MCF2: variants seen among roughly 807,000 people sequenced by gnomAD.
MCF2 encodes the protein MCF.2 cell line derived transforming sequence.
MCF2 carries 44 observed loss-of-function variants against 82.5 expected under a neutral mutation model. The observed-to-expected ratio is 0.53, with a 90% confidence interval of 0.42 to 0.69. The LOEUF (loss-of-function observed/expected upper bound fraction) is 0.69. Ranked by LOEUF, MCF2 falls within the 30% of genes least tolerant of loss-of-function variation. MCF2 has a pLI of 0.00. For synonymous variants in MCF2, 217 were observed against 224.9 expected, an observed-to-expected ratio of 0.96 and a Z score of 0.32; for missense variants, 623 against 663.1, an observed-to-expected ratio of 0.94 and a Z score of 0.66.
intron 6 of MCF2, among the ~76,000 whole-genome samples, chrX:139,623,986 A>C (rs1428345209): frequency 9.0e-6 from 1 of 111,493 alleles, no homozygotes; most frequent in African/African-American, 3.3e-5. Flanking sequence ...GCATAACCTT[A>C]AATTTTCTCC....
intron 7 of MCF2, 31 bp downstream of exon 10, chrX:139,619,556 A>G (rs761592748): frequency 8.3e-6 from 9 of 1,082,780 alleles, no homozygotes; most frequent in Non-Finnish European, 1.1e-5. Context: ...TATACTGTAT[A>G]ATATAGCAGA....
chrX:139,640,933 G>A (rs1449041766), intron 1 of MCF2, among the ~76,000 whole-genome samples: 1 of 110,100 alleles, frequency 9.1e-6, no homozygotes, highest in Non-Finnish European at 1.9e-5. Context: ...CCTGTATAAG[G>A]CCTTCTCCAC....
At chrX:139,649,982 T>C (rs1284874952) in intron 2 of MCF2, among the ~76,000 whole-genome samples, 1 of 112,205 alleles carries the variant, frequency 8.9e-6, no homozygotes, top group African/African-American at 3.2e-5. Flanking sequence ...ATTAATTAAG[T>C]CATCATTAAT....
At chrX:139,625,380 G>C (rs1276084422) in intron 6 of MCF2, among the ~76,000 whole-genome samples, 1 of 111,905 alleles carries the variant, frequency 8.9e-6, no homozygotes, top group East Asian at 2.8e-4. Context: ...CTTTAGGGAA[G>C]GTTTCATGCA....
chrX:139,643,081 T>C (rs1486272085), upstream of MCF2, among the ~76,000 whole-genome samples: 2 of 112,060 alleles, frequency 1.8e-5, no homozygotes, highest in African/African-American at 6.5e-5. Flanking sequence ...GGCTATAGTT[T>C]GCAAAATTTT....
rs144593355 is a variant in MCF2 at position 139,623,116 on chromosome X, G to A, written c.687+3077C>T. Among the ~76,000 whole-genome samples, 972 of 111,457 alleles carry A rather than the reference G, an allele frequency of 8.7e-3. 12 individuals carry two copies. The highest frequency in any genetic ancestry group is 0.031 in the African/African-American group (939 of 30,670). ...GGTGAGGCTATGGAGAGAAGGGAAC[G>A]CTGATACACTGCTGGTGGGAAAGTA... On this transcript the variant is annotated intron_variant, in intron 6 of 24. Transcript: ENST00000370576.
chrX:139,663,475 A>T (rs1031918041), intron 1 of MCF2, among the ~76,000 whole-genome samples: 2 of 110,753 alleles, frequency 1.8e-5, no homozygotes, highest in Non-Finnish European at 3.8e-5. Context: ...TTGGAGGTAC[A>T]TGTGAAGGTT....
intron 1 of MCF2, among the ~76,000 whole-genome samples, chrX:139,671,318 T>G (rs1934683446): frequency 8.9e-6 from 1 of 112,159 alleles, no homozygotes; most frequent in Admixed American, 9.5e-5. Context: ...TTTAGTTTAA[T>G]TAGATCTCAT....
At chrX:139,706,662 A>G (rs1935595374) in intron 1 of MCF2, among the ~76,000 whole-genome samples, 1 of 110,455 alleles carries the variant, frequency 9.1e-6, no homozygotes, top group Non-Finnish European at 1.9e-5. Context: ...AGCATCATGT[A>G]ATATTCCCAT....
chrX:139,626,900 CA>C, intron 4 of MCF2, 144 bp from the exon 8 acceptor site: 1 of 485,915 alleles, frequency 2.1e-6, no homozygotes, highest in Non-Finnish European at 3.3e-6. Context: ...TCTGAAAATT[CA>C]CAAAATTTCA....
At chrX:139,596,756 T>G (rs1297958360) in exon 19 of MCF2, 1 of 1,199,597 alleles carries the variant, frequency 8.3e-7, no homozygotes, top group Non-Finnish European at 1.1e-6. Flanking sequence ...TCTTGCCCAG[T>G]TCATTTAAGT....
chrX:139,591,487 T>A (rs762998714), intron 19 of MCF2, among the ~76,000 whole-genome samples: 14 of 111,343 alleles, frequency 1.3e-4, no homozygotes, highest in Non-Finnish European at 2.5e-4. Context: ...GTAAAATTTT[T>A]AAAAATCGAT....
intron 4 of MCF2, among the ~76,000 whole-genome samples, chrX:139,629,048 C>T (rs149560429): frequency 0.012 from 1,320 of 112,183 alleles, 17 homozygotes; most frequent in African/African-American, 0.04. Context: ...ATAAAAAATA[C>T]AGCCATGCAT....
intron 1 of MCF2, among the ~76,000 whole-genome samples, chrX:139,702,590 T>A (rs1261179201): frequency 1.8e-5 from 2 of 112,626 alleles, no homozygotes; most frequent in African/African-American, 6.5e-5. Flanking sequence ...ATTATTATAA[T>A]CCATAAACAA....
intron 1 of MCF2, among the ~76,000 whole-genome samples, chrX:139,665,850 T>C (rs1230433737): frequency 9.8e-6 from 1 of 102,206 alleles, no homozygotes; most frequent in Non-Finnish European, 2.0e-5. Flanking sequence ...ATAAGGATAT[T>C]ATAATCCTTT....
chrX:139,706,009 A>G (rs181808680), intron 1 of MCF2, among the ~76,000 whole-genome samples: 1 of 112,666 alleles, frequency 8.9e-6, no homozygotes, highest in African/African-American at 3.2e-5. Context: ...CAAAACCACA[A>G]TGAGATACCA....
At chrX:139,700,745 CT>C (rs1356688566) in intron 1 of MCF2, among the ~76,000 whole-genome samples, 1 of 112,347 alleles carries the variant, frequency 8.9e-6, no homozygotes, top group East Asian at 2.8e-4. Context: ...AATAATTAGT[CT>C]GTGTAGTTTG....
chrX:139,693,994 G>A lies in MCF2; in HGVS notation c.-45+14112C>T, dbSNP rs919282289. On this transcript the variant is annotated intron_variant, in intron 1 of 27. Transcript: ENST00000414978. ...TTTAAACACTATACATGTGTATGGG[G>A]ATAGAAAATGATTGGGAAGGATACA... 1.5e-4 allele frequency among the ~76,000 whole-genome samples: 17 copies of A among 112,013 alleles called. 1 individual carries two copies. Among genetic ancestry groups the A allele is most frequent in the African/African-American group, 4.5e-4 (14 of 30,864 alleles).
intron 6 of MCF2, among the ~76,000 whole-genome samples, chrX:139,621,710 T>A (rs62610999): frequency 3.6e-5 from 4 of 110,745 alleles, no homozygotes; most frequent in Non-Finnish European, 5.7e-5. Flanking sequence ...CTTCCTTACA[T>A]CTTATACAAA....
Sources: gnomAD v4.1 joint callset for allele counts (sites outside exome capture counted in the v4.1 genomes callset) on GRCh38, gnomAD v4.1.1 for gene constraint, MANE v1.5 for transcripts, NCBI Gene and HGNC (gene_info 2026-07-23, HGNC 2026-07-21) for gene names.